Variants in SKIL observed in about 807,000 individuals in gnomAD.
SKIL encodes the protein SKI like proto-oncogene.
Under a neutral mutation model 69.6 loss-of-function variants are expected in SKIL, and 20 were observed. The observed-to-expected ratio is 0.29, with a 90% CI of 0.20 to 0.42. The LOEUF (loss-of-function observed/expected upper bound fraction) is 0.42. Ranked by LOEUF, SKIL falls within the 10% of genes least tolerant of loss-of-function variation. The pLI is 1.00. For missense variants in SKIL, 745 were observed against 783.1 expected (o/e 0.95, Z 0.58); for synonymous variants, 310 against 279.9 (o/e 1.11, Z -1.08).
At chr3:170,368,061 T>A (rs1230013113) in intron 2 of SKIL, among the ~76,000 whole-genome samples, 5 of 152,224 alleles carry the variant, frequency 3.3e-5, no homozygotes, top group Non-Finnish European at 7.3e-5. Flanking sequence ...TTAGGCAGCG[T>A]ATTTGTCAGT....
chr3:170,391,871 C>T (rs145130762), intron 6 of SKIL, among the ~76,000 whole-genome samples: 5 of 152,254 alleles, frequency 3.3e-5, no homozygotes, highest in African/African-American at 1.2e-4. Context: ...TTCAAATCTA[C>T]AAATTAACAA....
At chr3:170,390,687 A>G (rs1737868048) in intron 5 of SKIL, among the ~76,000 whole-genome samples, 1 of 152,116 alleles carries the variant, frequency 6.6e-6, no homozygotes, top group African/African-American at 2.4e-5. Context: ...GGGTTTCTCC[A>G]TGCTGGCCAG....
At chr3:170,384,844 G>A (rs1378899647) in intron 4 of SKIL, 79 bp downstream of exon 4, 12 of 746,812 alleles carry the variant, frequency 1.6e-5, no homozygotes, top group South Asian at 3.9e-5. Flanking sequence ...CAGGCTTTTT[G>A]TTTGAGCTAA....
intron 2 of SKIL, among the ~76,000 whole-genome samples, chr3:170,374,029 A>G (rs996926463): frequency 6.6e-6 from 1 of 151,366 alleles, no homozygotes; most frequent in African/African-American, 2.5e-5. Context: ...AGCTCTCTAA[A>G]TTATTTTTCA....
At chr3:170,375,399 CT>C (rs1736984040) in intron 2 of SKIL, among the ~76,000 whole-genome samples, 1 of 152,124 alleles carries the variant, frequency 6.6e-6, no homozygotes, top group South Asian at 2.1e-4. Flanking sequence ...AAAACTTACT[CT>C]TATAAATCAA....
Position 170,384,708 on chromosome 3 carries a change from C to T in SKIL, c.1372C>T (p.Leu458Phe), listed in dbSNP as rs748457942. ...QKTVSYPDVS[L>F]EEQEKMDLKT... Reference sequence around the variant, plus strand: ...AACAGTGTCTTATCCAGATGTCTCACTTGAGGAACAGGAGAAAATGGATTT... The same window carrying T: ...AACAGTGTCTTATCCAGATGTCTCATTTGAGGAACAGGAGAAAATGGATTT... Residue 458 changes from leucine to phenylalanine, a missense_variant, in exon 4 of 7, where the codon CTT becomes TTT. Coordinates refer to ENST00000259119, the MANE Select transcript of SKIL (RefSeq NM_005414.5). 1.9e-6 allele frequency: 3 copies of T among 1,612,218 alleles called. No homozygotes were observed. Among genetic ancestry groups the T allele is most frequent in the East Asian group, 4.5e-5 (2 of 44,850 alleles).
chr3:170,363,374 T>C (rs1736337579), intron 2 of SKIL, among the ~76,000 whole-genome samples: 1 of 152,192 alleles, frequency 6.6e-6, no homozygotes, highest in Non-Finnish European at 1.5e-5. Flanking sequence ...AGATAATAAT[T>C]TTAGACTCAT....
intron 3 of SKIL, 145 bp from the exon 4 acceptor site, chr3:170,384,388 T>G (rs1488264280): frequency 1.8e-6 from 1 of 541,662 alleles, no homozygotes; most frequent in African/African-American, 1.9e-5. Flanking sequence ...AATTCTTTAC[T>G]GTGACCTTTA....
At chr3:170,358,252 A>G (rs1736038944) in intron 1 of SKIL, among the ~76,000 whole-genome samples, 1 of 151,696 alleles carries the variant, frequency 6.6e-6, no homozygotes, top group Non-Finnish European at 1.5e-5. Context: ...CTGAGGTGAC[A>G]CCCGAGAACT....
intron 6 of SKIL, 53 bp downstream of exon 6, chr3:170,391,313 G>T: frequency 1.9e-6 from 2 of 1,025,960 alleles, no homozygotes; most frequent in African/African-American, 1.7e-5. Flanking sequence ...AATGGAAACT[G>T]TTACTTCTCT....
intron 2 of SKIL, among the ~76,000 whole-genome samples, chr3:170,362,520 AAAC>A (rs1210445711): frequency 9.1e-6 from 1 of 109,430 alleles, no homozygotes; most frequent in Non-Finnish European, 1.9e-5. Context: ...CAAAACAAAC[AAAC>A]AACCTATCAA....
intron 2 of SKIL, among the ~76,000 whole-genome samples, chr3:170,371,366 G>A (rs1014192322): frequency 7.9e-5 from 12 of 152,098 alleles, no homozygotes; most frequent in African/African-American, 2.4e-4. Flanking sequence ...AAATAGCTGG[G>A]CATGGTGGCA....
intron 2 of SKIL, among the ~76,000 whole-genome samples, chr3:170,374,561 A>G (rs1372174035): frequency 1.3e-5 from 2 of 152,236 alleles, no homozygotes; most frequent in Non-Finnish European, 2.9e-5. Context: ...ATTCCTGATT[A>G]GTAGCATTAC....
Position 170,360,066 on chromosome 3 carries a change from A to G in SKIL, c.-266A>G, listed in dbSNP as rs1341086127. 3.0e-6 allele frequency: 1 copy of G among 337,096 alleles called. No homozygotes were observed. The highest frequency in any genetic ancestry group is 5.3e-6 in the Non-Finnish European group (1 of 187,402). 20.9% of individuals were successfully genotyped at this position (337,096 alleles called of 1,614,324 possible). On this transcript the variant is annotated 5_prime_UTR_variant, in exon 2 of 7. Transcript: ENST00000259119. The stretch of plus-strand genomic sequence containing the variant: ...GTATATCTGAAGAATTCAAGAAAAC[A>G]AAGGCATCCTCAGAGGTGTGCCTCT...
intron 2 of SKIL, among the ~76,000 whole-genome samples, chr3:170,378,171 G>A (rs1314043126): frequency 6.6e-6 from 1 of 152,086 alleles, no homozygotes; most frequent in East Asian, 1.9e-4. Context: ...GATTACAGGC[G>A]TGAGCCACTG....
chr3:170,374,734 GT>G (rs1736952166), intron 2 of SKIL, among the ~76,000 whole-genome samples: 1 of 152,124 alleles, frequency 6.6e-6, no homozygotes, highest in South Asian at 2.1e-4. Context: ...AGGATAATTT[GT>G]TATAAATGTG....
At chr3:170,358,069 G>A (rs1736022078) in intron 1 of SKIL, among the ~76,000 whole-genome samples, 1 of 152,066 alleles carries the variant, frequency 6.6e-6, no homozygotes, top group African/African-American at 2.4e-5. Context: ...AGACCCGGAC[G>A]CCCGTCACCG....
In SKIL at chr3:170,391,081, G is replaced by A. The variant is rs1341292933; in HGVS notation, c.1717G>A (p.Glu573Lys). The change falls in exon 6 of 7, where the codon GAA becomes AAA. Residue 573 changes from glutamate (E) to lysine (K), a missense_variant. Physicochemically the swap from Glu to Lys is moderately conservative, Grantham distance 56 (BLOSUM62 1). Transcript: ENST00000259119. ...SSSKSMKELT[E>K]EQQNLQKELE... ...TTCAAAATCTATGAAGGAACTCACT[G>A]AAGAACAGCAGAATTTACAGAAAGA... 6.2e-7 allele frequency: 1 copy of A among 1,608,330 alleles called. No individual in the cohort carries two copies. The highest frequency in any genetic ancestry group is 8.5e-7 in the Non-Finnish European group (1 of 1,175,102).
intron 3 of SKIL, 75 bp downstream of exon 3, chr3:170,381,416 G>A: frequency 5.2e-6 from 4 of 768,016 alleles, no homozygotes; most frequent in Non-Finnish European, 9.3e-6. Context: ...ACTATTCTAG[G>A]ACATGGGAAT....
Sources: allele counts gnomAD v4.1 joint callset (sites outside exome capture counted in the v4.1 genomes callset), GRCh38; gene constraint gnomAD v4.1.1; transcripts MANE v1.5; gene names NCBI Gene and HGNC (gene_info 2026-07-23, HGNC 2026-07-21).